The following BBX variants were observed in gnomAD, a reference collection of about 807,000 sequenced individuals.
BBX encodes the protein BBX high mobility group box domain containing.
Under a neutral mutation model 100.2 loss-of-function variants are expected in BBX, and 30 were observed. The observed-to-expected ratio is 0.30, with a 90% CI of 0.22 to 0.41. The LOEUF is 0.41. Among genes scored for constraint, BBX ranks in the 10% least tolerant of loss-of-function variants. BBX has a pLI of 1.00. For missense variants in BBX, 1,023 were observed against 1,129.8 expected (o/e 0.91, Z 1.35); for synonymous variants, 376 against 388.1 (o/e 0.97, Z 0.37).
intron 3 of BBX, among the ~76,000 whole-genome samples, chr3:107,706,883 T>C (rs1019640773): frequency 6.6e-6 from 1 of 152,208 alleles, no homozygotes; most frequent in Non-Finnish European, 1.5e-5. Context: ...CCCACTTTTT[T>C]TCATCTTTTT....
chr3:107,548,419 G>C (rs887224561), intron 2 of BBX, among the ~76,000 whole-genome samples: 2 of 152,190 alleles, frequency 1.3e-5, no homozygotes, highest in African/African-American at 2.4e-5. Context: ...TTATGAATGA[G>C]AAAAACAGAT....
chr3:107,765,737 G>A (rs986670936), intron 10 of BBX, among the ~76,000 whole-genome samples: 2 of 152,116 alleles, frequency 1.3e-5, no homozygotes, highest in African/African-American at 4.8e-5. Flanking sequence ...GCTTCCACCT[G>A]GGTTCCTCCA....
intron 3 of BBX, among the ~76,000 whole-genome samples, chr3:107,691,455 A>G (rs2060165471): frequency 6.6e-6 from 1 of 152,244 alleles, no homozygotes; most frequent in Non-Finnish European, 1.5e-5. Context: ...TAATGTTCTA[A>G]ACAGAGCACT....
At chr3:107,525,696 C>G (rs541407062) in intron 1 of BBX, among the ~76,000 whole-genome samples, 1 of 152,282 alleles carries the variant, frequency 6.6e-6, no homozygotes, top group South Asian at 2.1e-4. Context: ...TCCTAGCTCC[C>G]CCCACCCCGA....
intron 3 of BBX, among the ~76,000 whole-genome samples, chr3:107,649,242 C>T (rs942305472): frequency 9.2e-5 from 14 of 151,994 alleles, no homozygotes; most frequent in Non-Finnish European, 1.8e-4. Context: ...GGGATTAGTA[C>T]GATTTAAGAT....
intron 7 of BBX, among the ~76,000 whole-genome samples, chr3:107,737,884 GTTT>G (rs1156396951): frequency 0.018 from 874 of 48,832 alleles, 15 homozygotes; most frequent in African/African-American, 0.074. Context: ...CAGAGTTCCA[GTTT>G]TTTTTTTTTT....
chr3:107,713,071 C>T (rs919131515), intron 4 of BBX, among the ~76,000 whole-genome samples: 1 of 152,332 alleles, frequency 6.6e-6, no homozygotes, highest in Middle Eastern at 3.4e-3. Context: ...CTACTCTCCA[C>T]CTGGCTGATT....
chr3:107,594,458 G>A (rs924257058), intron 2 of BBX, among the ~76,000 whole-genome samples: 5 of 152,276 alleles, frequency 3.3e-5, no homozygotes, highest in East Asian at 1.9e-4. Flanking sequence ...GGTTGGTGAC[G>A]GCAGCGGAGA....
chr3:107,541,853 C>T (rs887394488), intron 2 of BBX, among the ~76,000 whole-genome samples: 1 of 150,922 alleles, frequency 6.6e-6, no homozygotes, highest in Non-Finnish European at 1.5e-5. Context: ...GAGTCTGGCT[C>T]TGTTACCCAG....
At chr3:107,745,760 C>CT (rs1400542172) in intron 8 of BBX, among the ~76,000 whole-genome samples, 2 of 152,112 alleles carry the variant, frequency 1.3e-5, no homozygotes, top group East Asian at 1.9e-4. Context: ...AGCCTGCACT[C>CT]TTTTTTGTCA....
At chr3:107,793,414 T>C (rs921713339) in intron 15 of BBX, among the ~76,000 whole-genome samples, 3 of 152,178 alleles carry the variant, frequency 2.0e-5, no homozygotes, top group Non-Finnish European at 1.5e-5. Context: ...ACTCATTTTA[T>C]GTGGCCAGGA....
chr3:107,580,973 A>G (rs967144045), intron 2 of BBX, among the ~76,000 whole-genome samples: 5 of 152,220 alleles, frequency 3.3e-5, no homozygotes, highest in African/African-American at 1.2e-4. Flanking sequence ...TCATGATTTT[A>G]GTCAGTCTTC....
chr3:107,698,591 G>T (rs2060828261), intron 3 of BBX, among the ~76,000 whole-genome samples: 1 of 150,984 alleles, frequency 6.6e-6, no homozygotes, highest in East Asian at 1.9e-4. Context: ...GGTGGAGGTT[G>T]CAGTGAGCCG....
chr3:107,601,912 GCTGA>G (rs1460537800), intron 2 of BBX, among the ~76,000 whole-genome samples: 1 of 152,190 alleles, frequency 6.6e-6, no homozygotes, highest in African/African-American at 2.4e-5. Context: ...CAAAGGACAG[GCTGA>G]CTCTTTTTAG....
At chr3:107,685,838 C>CT in intron 3 of BBX, among the ~76,000 whole-genome samples, 1 of 152,118 alleles carries the variant, frequency 6.6e-6, no homozygotes, top group Non-Finnish European at 1.5e-5. Flanking sequence ...TGTACCTTTT[C>CT]TTTGTGATAT....
At position 107,753,748 on chromosome 3, in the gene BBX, T is replaced by C. The variant is rs564831586; in HGVS notation, c.826-1850T>C. Among the ~76,000 whole-genome samples, 3 of 152,320 alleles carry C rather than the reference T, an allele frequency of 2.0e-5. No homozygotes were observed. The South Asian group carries it at 6.2e-4, about 32-fold the overall frequency. ...ACAGAAAAACAGCATGGGTGTGAAG[T>C]GCAGTGCTACGCAGCTTGTGGTCCT... On this transcript the variant is annotated intron_variant, in intron 9 of 17. Transcript: ENST00000325805.
chr3:107,610,182 T>C (rs2054739142), intron 2 of BBX, among the ~76,000 whole-genome samples: 1 of 152,130 alleles, frequency 6.6e-6, no homozygotes, highest in Non-Finnish European at 1.5e-5. Context: ...TTTAAGTTTC[T>C]TTTATTATTG....
chr3:107,658,960 A>C (rs2058294371), intron 3 of BBX, among the ~76,000 whole-genome samples: 1 of 152,098 alleles, frequency 6.6e-6, no homozygotes, highest in Non-Finnish European at 1.5e-5. Flanking sequence ...TTGACCTGTA[A>C]CACCTTTGAT....
At chr3:107,764,118 G>T (rs1402626200) in intron 10 of BBX, among the ~76,000 whole-genome samples, 1 of 152,094 alleles carries the variant, frequency 6.6e-6, no homozygotes, top group African/African-American at 2.4e-5. Flanking sequence ...TCAGCCTCCT[G>T]AGTAGTTAGG....
Sources: gnomAD v4.1 joint callset for allele counts (sites outside exome capture counted in the v4.1 genomes callset) on GRCh38, gnomAD v4.1.1 for gene constraint, MANE v1.5 for transcripts, NCBI Gene and HGNC (gene_info 2026-07-23, HGNC 2026-07-21) for gene names.